HEBP1: variants seen among roughly 807,000 people sequenced by gnomAD.
The protein encoded by HEBP1 is heme-binding protein 1.
Under a neutral mutation model 20.4 loss-of-function variants are expected in HEBP1, and 13 were observed. The observed-to-expected ratio is 0.64, with a 90% CI of 0.42 to 1.01. The LOEUF (loss-of-function observed/expected upper bound fraction) is 1.01, where lower values mean the gene tolerates loss of function less well. Among genes scored for constraint, HEBP1 ranks in the 50% least tolerant of loss-of-function variants. The probability of loss-of-function intolerance (pLI) is 0.00; values close to 1 mark genes in which losing one functional copy is unlikely to be tolerated. For synonymous variants in HEBP1, 92 were observed against 90.7 expected, an observed-to-expected ratio of 1.01 and a Z score of -0.08; for missense variants, 241 against 247.3, an observed-to-expected ratio of 0.97 and a Z score of 0.17.
intron 3 of HEBP1, chr12:12,985,987 C>G (rs926234696): frequency 2.0e-5 from 3 of 152,208 alleles, no homozygotes; most frequent in Non-Finnish European, 4.4e-5. Context: ...GGCGCTCACT[C>G]TCAGTCCCCA....
chr12:12,975,572 T>C (rs1863969932), intron 3 of HEBP1, 93 bp from the exon 4 acceptor site: 3 of 1,106,124 alleles, frequency 2.7e-6, no homozygotes, highest in Admixed American at 2.9e-5. Context: ...ATGTTTATTA[T>C]GACAAGCATG....
Position 12,996,867 on chromosome 12 carries a change from A to G in HEBP1, c.78+3170T>C, listed in dbSNP as rs531721064. ...AATTGGTTATCTCATTTGAACTTCA[A>G]AACAATCTATTAATATATGAACTAT... On this transcript the variant is annotated intron_variant, in intron 1 of 3. Transcript: ENST00000014930. The surrounding 1 kb of genome is among the most constrained non-coding windows in gnomAD (Gnocchi z 4.1). 6.6e-6 allele frequency among the ~76,000 whole-genome samples: 1 copy of G among 152,196 alleles called. No individual in the cohort carries two copies. The highest frequency in any genetic ancestry group is 1.5e-5 in the Non-Finnish European group (1 of 68,038).
At position 12,986,934 on chromosome 12, in the gene HEBP1, T is replaced by C; in HGVS notation, c.398+218A>G. 2 of 525,212 alleles carry C rather than the reference T, an allele frequency of 3.8e-6. No individual in the cohort carries two copies. The highest frequency in any genetic ancestry group is 3.4e-6 in the Non-Finnish European group (1 of 295,260). 32.5% of individuals were successfully genotyped at this position (525,212 alleles called of 1,614,324 possible). The stretch of plus-strand genomic sequence containing the variant: ...GCAAAGCTTAAGCTCGTCCCATCAA[T>C]TTGGCAACTGGCCAAGGCATTTATT... On this transcript the variant is annotated intron_variant, in intron 3 of 3. Coordinates refer to ENST00000014930, the MANE Select transcript of HEBP1 (RefSeq NM_015987.5). This position sits in a 1 kb window ranked among gnomAD's most constrained non-coding sequence, Gnocchi z 4.3.
chr12:12,990,121 C>T (rs1864201973), intron 1 of HEBP1, among the ~76,000 whole-genome samples: 1 of 12,292 alleles, frequency 8.1e-5, no homozygotes, highest in Non-Finnish European at 7.4e-4. Flanking sequence ...TCTGTGCACA[C>T]ACACACACAC....
chr12:12,991,241 T>A (rs1864221912), intron 1 of HEBP1, among the ~76,000 whole-genome samples: 2 of 152,240 alleles, frequency 1.3e-5, no homozygotes, highest in Non-Finnish European at 2.9e-5. Flanking sequence ...GTATTTTTTA[T>A]TGCTGTATTG....
At position 12,976,096 on chromosome 12, in the gene HEBP1, A is replaced by C. The variant is rs555504453; in HGVS notation, c.399-617T>G. Among the ~76,000 whole-genome samples the C allele has an allele frequency of 3.2e-3, 492 of 151,494 alleles. 7 individuals are homozygous for C. The highest frequency in any genetic ancestry group is 9.7e-3 in the African/African-American group (402 of 41,358). On this transcript the variant is annotated intron_variant, in intron 3 of 3. Transcript: ENST00000014930. ...CTGTGTCAAAAAAAAAAAAAAAAAA[A>C]AAACAAACCAAAAACCAAAACTAAA...
intron 3 of HEBP1, among the ~76,000 whole-genome samples, chr12:12,980,854 C>G (rs1489120206): frequency 6.6e-6 from 1 of 152,262 alleles, no homozygotes; most frequent in Non-Finnish European, 1.5e-5. Context: ...GGAAATGAAG[C>G]ATCTCATTAC....
At chr12:12,988,663 C>G (rs1477802477) in intron 2 of HEBP1, among the ~76,000 whole-genome samples, 1 of 152,178 alleles carries the variant, frequency 6.6e-6, no homozygotes, top group Non-Finnish European at 1.5e-5. Flanking sequence ...ACGAGTCAAA[C>G]TCATTTTTAA....
At chr12:12,995,001 A>G (rs1591578147) in intron 1 of HEBP1, among the ~76,000 whole-genome samples, 1 of 152,264 alleles carries the variant, frequency 6.6e-6, no homozygotes, top group Non-Finnish European at 1.5e-5. Flanking sequence ...CTGAGCTTCT[A>G]CCTACGTTGC....
rs1864163869 is a variant in HEBP1, at chr12:12,987,216, G to T, written c.334C>A (p.Pro112Thr). The T allele has an allele frequency of 6.2e-7, 1 of 1,613,978 alleles. No homozygotes were observed. The highest frequency in any genetic ancestry group is 8.5e-7 in the Non-Finnish European group (1 of 1,180,002). ...ACGCTTTTGTCACTGGGAGCTGGTG[G>T]GTCGCTTTGAAATTGGTTTGGAATC... ...FRIPNQFQSD[P>T]PAPSDKSVKI... The change falls in exon 3 of 4, where the codon CCA becomes ACA. Residue 112 changes from proline to threonine, a missense_variant. Transcript: ENST00000014930.
In HEBP1 at chr12:12,996,468, A is replaced by G. The variant is rs1197052614; in HGVS notation, c.78+3569T>C. On this transcript the variant is annotated intron_variant, in intron 1 of 3. Transcript: ENST00000014930. The surrounding 1 kb of genome is among the most constrained non-coding windows in gnomAD (Gnocchi z 4.1). ...CTGCGGCAGCACTGGCCTCCCTGCCAAGTACTTGGAATCAGTCCCCAACAT... is the reference window on the plus strand; with the variant it reads ...CTGCGGCAGCACTGGCCTCCCTGCCGAGTACTTGGAATCAGTCCCCAACAT... 6.6e-6 allele frequency among the ~76,000 whole-genome samples: 1 copy of G among 152,190 alleles called. No homozygotes were observed. Among genetic ancestry groups the G allele is most frequent in the African/African-American group, 2.4e-5 (1 of 41,446 alleles).
chr12:12,989,623 A>T (rs1382676972), intron 1 of HEBP1, among the ~76,000 whole-genome samples: 1 of 152,214 alleles, frequency 6.6e-6, no homozygotes, highest in Admixed American at 6.5e-5. Context: ...TATACATTAT[A>T]TTCTTGGGGA....
intron 3 of HEBP1, chr12:12,979,146 C>G (rs1864040762): frequency 2.0e-5 from 3 of 151,966 alleles, no homozygotes; most frequent in South Asian, 4.2e-4. Flanking sequence ...GAGGACCGGT[C>G]AAAGGACAGT....
chr12:12,979,971 G>A (rs1176900286), intron 3 of HEBP1: 1 of 152,204 alleles, frequency 6.6e-6, no homozygotes, highest in African/African-American at 2.4e-5. Context: ...GTCCAAGGAA[G>A]CAAAAAATCA....
intron 2 of HEBP1, 85 bp from the exon 3 acceptor site, chr12:12,987,417 C>T: frequency 1.9e-6 from 2 of 1,034,460 alleles, no homozygotes; most frequent in East Asian, 2.5e-5. Flanking sequence ...TTCCATTCGT[C>T]TTTCAAAGTG....
Position 13,000,219 on chromosome 12 carries a change from C to CGGCAGGGCGGCAGGGCGGCAGGGT in HEBP1, c.-106_-105insACCCTGCCGCCCTGCCGCCCTGCC. On this transcript the variant is annotated 5_prime_UTR_variant, in exon 1 of 4. Transcript: ENST00000014930. ...GCGGCAGGGCGGCAGGGCGGCAGGG[C>CGGCAGGGCGGCAGGGCGGCAGGGT]GGCAGGGCGGCAGGGTGGCAGGGCG... 2 of 378,686 alleles carry CGGCAGGGCGGCAGGGCGGCAGGGT rather than the reference C, an allele frequency of 5.3e-6. No individual in the cohort carries two copies. Among genetic ancestry groups the CGGCAGGGCGGCAGGGCGGCAGGGT allele is most frequent in the Non-Finnish European group, 9.1e-6 (2 of 219,580 alleles). 23.5% of individuals were successfully genotyped at this position (378,686 alleles called of 1,614,324 possible). A position where few individuals can be genotyped will look rare whatever the true frequency, so the allele number is the denominator to read the frequency against.
intron 1 of HEBP1, among the ~76,000 whole-genome samples, chr12:12,989,768 T>TAAAC (rs66620691): frequency 0.74 from 112,313 of 151,596 alleles, 45,317 homozygotes; most frequent in East Asian, 0.98. Context: ...AAGATAAAGT[T>TAAAC]AAACAGGAGA....
Position 12,989,198 on chromosome 12 carries a change from C to G in HEBP1, c.217+79G>C. The G allele has an allele frequency of 5.3e-6, 8 of 1,515,650 alleles. No homozygotes were observed. In the Admixed American group the frequency reaches 1.4e-4, roughly 26 times the overall value. 93.9% of individuals were successfully genotyped at this position (1,515,650 alleles called of 1,614,324 possible). On this transcript the variant is annotated intron_variant, in intron 2 of 3. Transcript: ENST00000014930. Reference sequence around the variant, plus strand: ...ACTACAGGTGCCTTGTAGCCCCTCACTTGCATTTACCACTGATGAAGTGAG... The same window carrying G: ...ACTACAGGTGCCTTGTAGCCCCTCAGTTGCATTTACCACTGATGAAGTGAG...
rs1472064225 is a variant in HEBP1 at position 12,987,306 on chromosome 12, T to C, written c.244A>G (p.Ile82Val). Residue 82 changes from isoleucine to valine, a missense_variant, in exon 3 of 4, where the codon ATT (isoleucine) becomes GTT (valine). Transcript: ENST00000014930. ...KGIGMGMTVP[I>V]SFAVFPNEDG... The stretch of plus-strand genomic sequence containing the variant: ...TCATTGGGGAACACAGCAAAGGAAA[T>C]AGGGACTGTCATCCCCATCCCAATT... 4 of 1,613,842 alleles carry C rather than the reference T, an allele frequency of 2.5e-6. No individual in the cohort carries two copies. The highest frequency in any genetic ancestry group is 1.1e-5 in the South Asian group (1 of 91,056).
Sources: gnomAD v4.1 joint callset for allele counts (sites outside exome capture counted in the v4.1 genomes callset) on GRCh38, gnomAD v4.1.1 for gene constraint, Gnocchi (gnomAD v3.1) non-coding constraint, MANE v1.5 for transcripts, NCBI Gene and HGNC (gene_info 2026-07-23, HGNC 2026-07-21) for gene names.